SDK1: variants seen among roughly 807,000 people sequenced by gnomAD.
SDK1 encodes the protein protein sidekick-1.
In SDK1, 157 loss-of-function variants were observed where a neutral mutation model predicts 245.5. That is an observed-to-expected ratio of 0.64 (90% confidence interval 0.56 to 0.73). The LOEUF (loss-of-function observed/expected upper bound fraction) is 0.73, where lower values mean the gene tolerates loss of function less well. Among genes scored for constraint, SDK1 ranks in the 30% least tolerant of loss-of-function variants. The probability of loss-of-function intolerance (pLI) is 0.00; values close to 1 mark genes in which losing one functional copy is unlikely to be tolerated. For missense variants in SDK1, 3,583 were observed against 3,002.3 expected, an observed-to-expected ratio of 1.19 and a Z score of -4.52; for synonymous variants, 1,647 against 1,278.5, an observed-to-expected ratio of 1.29 and a Z score of -6.15.
At chr7:3,966,114 C>CA (rs1370495327) in intron 9 of SDK1, among the ~76,000 whole-genome samples, 1 of 152,036 alleles carries the variant, frequency 6.6e-6, no homozygotes, top group Non-Finnish European at 1.5e-5. Flanking sequence ...GGGACCCTGA[C>CA]ACAGGCACAG....
chr7:4,153,217 A>G (rs915351639), intron 30 of SDK1, among the ~76,000 whole-genome samples: 17 of 150,842 alleles, frequency 1.1e-4, no homozygotes, highest in African/African-American at 3.2e-4. Flanking sequence ...CCACGGCCCT[A>G]GCTCCTTTTG....
chr7:3,557,077 G>A (rs992742097), intron 1 of SDK1, among the ~76,000 whole-genome samples: 3 of 151,248 alleles, frequency 2.0e-5, no homozygotes, highest in African/African-American at 7.3e-5. Flanking sequence ...AATAAATCCA[G>A]AACAAGCAGA....
At chr7:4,227,463 T>C (rs1257091926) in intron 40 of SDK1, 1 of 470,068 alleles carries the variant, frequency 2.1e-6, no homozygotes, top group South Asian at 1.6e-5. Context: ...TTTAGCCTCA[T>C]GTTTAAGCGC....
chr7:3,709,175 C>A lies in SDK1; in HGVS notation c.713+67070C>A, dbSNP rs185716018. Among the ~76,000 whole-genome samples, 182 of 152,306 alleles carry A rather than the reference C, an allele frequency of 1.2e-3. 1 individual carries two copies. The highest frequency in any genetic ancestry group is 4.2e-3 in the African/African-American group (174 of 41,568). ...TCAGCATTTATTTGTCTGAAAATTACTTTATTTCTCCTTCAATTATGAAAC... is the reference window on the plus strand; with the variant it reads ...TCAGCATTTATTTGTCTGAAAATTAATTTATTTCTCCTTCAATTATGAAAC... On this transcript the variant is annotated intron_variant, in intron 4 of 44. Coordinates refer to ENST00000404826, the MANE Select transcript of SDK1 (RefSeq NM_152744.4).
chr7:3,398,499 T>C (rs1339543830), intron 1 of SDK1, among the ~76,000 whole-genome samples: 1 of 151,974 alleles, frequency 6.6e-6, no homozygotes, highest in African/African-American at 2.4e-5. Context: ...TCACATAAAG[T>C]TCTGACAAAG....
At chr7:3,460,910 A>G (rs1051962906) in intron 1 of SDK1, among the ~76,000 whole-genome samples, 2 of 152,206 alleles carry the variant, frequency 1.3e-5, no homozygotes, top group African/African-American at 2.4e-5. Context: ...CTAAATAGCA[A>G]CCTTTTTATC....
intron 1 of SDK1, among the ~76,000 whole-genome samples, chr7:3,468,801 T>C (rs1175762982): frequency 6.6e-6 from 1 of 152,166 alleles, no homozygotes; most frequent in Middle Eastern, 3.2e-3. Flanking sequence ...TTCCCTAGTA[T>C]CTTTGGGTCT....
intron 5 of SDK1, among the ~76,000 whole-genome samples, chr7:3,931,871 C>T (rs1340864769): frequency 6.6e-6 from 1 of 152,132 alleles, no homozygotes; most frequent in African/African-American, 2.4e-5. Context: ...GGTAGAAGTG[C>T]CTATTGTAAT....
At chr7:3,645,852 T>A (rs959213169) in intron 4 of SDK1, among the ~76,000 whole-genome samples, 1 of 152,018 alleles carries the variant, frequency 6.6e-6, no homozygotes, top group African/African-American at 2.4e-5. Context: ...TTTCTGCACC[T>A]ATTTTTTTTT....
chr7:4,162,485 T>C (rs968095070), intron 32 of SDK1, among the ~76,000 whole-genome samples: 17 of 151,684 alleles, frequency 1.1e-4, no homozygotes, highest in Non-Finnish European at 1.8e-4. Context: ...CTGCAACCTC[T>C]GCCTCCCGTG....
chr7:3,435,168 T>G (rs1204602306), intron 1 of SDK1, among the ~76,000 whole-genome samples: 1 of 59,778 alleles, frequency 1.7e-5, no homozygotes, highest in South Asian at 6.7e-4. Context: ...CTCTGTATTT[T>G]TTTTTTTGAA....
intron 5 of SDK1, among the ~76,000 whole-genome samples, chr7:3,839,365 A>G (rs2115085515): frequency 6.6e-6 from 1 of 152,304 alleles, no homozygotes; most frequent in Admixed American, 6.5e-5. Flanking sequence ...AGAGCTTAGA[A>G]TTCTTGGTTT....
chr7:3,881,469 T>C (rs987325688), intron 5 of SDK1, among the ~76,000 whole-genome samples: 1 of 152,252 alleles, frequency 6.6e-6, no homozygotes, highest in Non-Finnish European at 1.5e-5. Flanking sequence ...TTCCATGGTG[T>C]ATACGTAACA....
intron 9 of SDK1, among the ~76,000 whole-genome samples, chr7:3,964,303 C>T (rs1781926283): frequency 6.6e-6 from 1 of 152,196 alleles, no homozygotes; most frequent in South Asian, 2.1e-4. Flanking sequence ...CTCCCCGGCC[C>T]TAGTACCCTC....
At chr7:3,517,716 T>C (rs144030170) in intron 1 of SDK1, among the ~76,000 whole-genome samples, 12 of 152,300 alleles carry the variant, frequency 7.9e-5, no homozygotes, top group African/African-American at 2.6e-4. Context: ...CTGTGTTGTA[T>C]CATCTGTTCG....
At chr7:3,690,063 A>G (rs181689309) in intron 4 of SDK1, among the ~76,000 whole-genome samples, 44 of 152,372 alleles carry the variant, frequency 2.9e-4, no homozygotes, top group Non-Finnish European at 5.3e-4. Flanking sequence ...ATAATGCCTT[A>G]GAGAAGCACC....
At chr7:3,904,311 G>A (rs1781891177) in intron 5 of SDK1, among the ~76,000 whole-genome samples, 2 of 152,308 alleles carry the variant, frequency 1.3e-5, no homozygotes, top group African/African-American at 4.8e-5. Flanking sequence ...AGTGAGTGCT[G>A]AAGAGTATAG....
intron 4 of SDK1, among the ~76,000 whole-genome samples, chr7:3,755,310 C>G (rs79827656): frequency 6.6e-6 from 1 of 152,024 alleles, no homozygotes; most frequent in Non-Finnish European, 1.5e-5. Flanking sequence ...AAAATAGGGA[C>G]GACTCAGTCA....
chr7:4,189,620 C>A (rs1001306478), intron 35 of SDK1, among the ~76,000 whole-genome samples: 1 of 152,146 alleles, frequency 6.6e-6, no homozygotes, highest in South Asian at 2.1e-4. Context: ...GAGGCCAAGG[C>A]GGGTGGATTA....
Sources: gnomAD v4.1 joint callset for allele counts (sites outside exome capture counted in the v4.1 genomes callset) on GRCh38, gnomAD v4.1.1 for gene constraint, MANE v1.5 for transcripts, NCBI Gene and HGNC (gene_info 2026-07-23, HGNC 2026-07-21) for gene names.